Variants in TAB2 observed in about 807,000 individuals in gnomAD.
TAB2 encodes the protein TGF-beta-activated kinase 1 and MAP3K7-binding protein 2.
In TAB2, 3 loss-of-function variants were observed where a neutral mutation model predicts 65.0. The observed-to-expected ratio is 0.05, with a 90% CI of 0.02 to 0.12. TAB2 has a LOEUF of 0.12. Ranked by LOEUF, TAB2 falls within the 10% of genes least tolerant of loss-of-function variation. The pLI is 1.00. For synonymous variants in TAB2, 298 were observed against 285.1 expected, an observed-to-expected ratio of 1.05 and a Z score of -0.46; for missense variants, 623 against 840.3, an observed-to-expected ratio of 0.74 and a Z score of 3.20.
chr6:149,392,398 T>C (rs943606552), intron 3 of TAB2, among the ~76,000 whole-genome samples: 1 of 152,190 alleles, frequency 6.6e-6, no homozygotes, highest in Non-Finnish European at 1.5e-5. Flanking sequence ...TGCCTTCATA[T>C]CAGATTTTCT....
intron 1 of TAB2, chr6:149,244,331 C>T (rs919162120): frequency 1.3e-5 from 2 of 152,274 alleles, no homozygotes; most frequent in African/African-American, 4.8e-5. Context: ...CCTCAAGTGA[C>T]TTATAGTCCA....
intron 1 of TAB2, among the ~76,000 whole-genome samples, chr6:149,295,935 C>A (rs1778870598): frequency 6.6e-6 from 1 of 152,120 alleles, no homozygotes; most frequent in African/African-American, 2.4e-5. Context: ...CTACACCCGG[C>A]TAATTTTTGT....
At chr6:149,392,113 C>T (rs77648332) in intron 3 of TAB2, among the ~76,000 whole-genome samples, 3,509 of 115,698 alleles carry the variant, frequency 0.03, 130 homozygotes, top group African/African-American at 0.11. Flanking sequence ...CTTTCACATT[C>T]ATATCAGATT....
rs1778922348 is a variant in TAB2, at chr6:149,298,788, AC to A, written c.-120-79229del. ...AAATCTAAGACACACACACATGCAC[AC>A]GCACAAAGAAACGTTAATTTTTCTT... On this transcript the variant is annotated intron_variant, in intron 1 of 1. Transcript: ENST00000606202. Among the ~76,000 whole-genome samples, 3 of 152,228 alleles carry A rather than the reference AC, an allele frequency of 2.0e-5. No individual in the cohort carries two copies. In the South Asian group the frequency reaches 6.2e-4, roughly 32 times the overall value.
chr6:149,389,781 A>G (rs185591604), intron 3 of TAB2, among the ~76,000 whole-genome samples: 1 of 152,294 alleles, frequency 6.6e-6, no homozygotes, highest in Non-Finnish European at 1.5e-5. Context: ...GTCTAAAATA[A>G]AAGTTTTAGA....
intron 6 of TAB2, among the ~76,000 whole-genome samples, chr6:149,403,989 A>G (rs1453760530): frequency 1.3e-5 from 2 of 152,210 alleles, no homozygotes; most frequent in African/African-American, 4.8e-5. Flanking sequence ...AGCCAGAGCA[A>G]TTAGACAAGA....
At chr6:149,282,675 G>A (rs1299817202) in intron 1 of TAB2, among the ~76,000 whole-genome samples, 3 of 152,198 alleles carry the variant, frequency 2.0e-5, no homozygotes, top group Non-Finnish European at 4.4e-5. Context: ...GTGTGATTAA[G>A]AGCATTATTC....
At chr6:149,279,253 G>T (rs1778530281) in intron 1 of TAB2, among the ~76,000 whole-genome samples, 1 of 152,090 alleles carries the variant, frequency 6.6e-6, no homozygotes, top group South Asian at 2.1e-4. Context: ...CTTCAAACTT[G>T]CTCCATGTGG....
intron 6 of TAB2, among the ~76,000 whole-genome samples, chr6:149,405,292 AGAG>A (rs1462518819): frequency 6.6e-6 from 1 of 152,244 alleles, no homozygotes; most frequent in Non-Finnish European, 1.5e-5. Context: ...CAAAGAGAAA[AGAG>A]AACGCTTGTA....
intron 1 of TAB2, among the ~76,000 whole-genome samples, chr6:149,252,145 G>A (rs899362535): frequency 2.0e-5 from 3 of 152,140 alleles, no homozygotes; most frequent in Non-Finnish European, 4.4e-5. Context: ...AGTGGCTCAT[G>A]CCTGTAATCC....
rs761847387 is a variant in TAB2, at chr6:149,335,123, GA to G, written c.-90+17109del. ...TTTTTTTTAGTCACAGTCAGCAGTA[GA>G]GCTTGAAATTTGTGGAGACCAATTC... On this transcript the variant is annotated intron_variant, in intron 1 of 6. Transcript: ENST00000637181. 3.3e-4 allele frequency among the ~76,000 whole-genome samples: 50 copies of G among 151,758 alleles called. 1 individual carries two copies. In the Middle Eastern group the frequency reaches 0.014, roughly 41 times the overall value.
chr6:149,296,682 A>G (rs1002012231), intron 1 of TAB2, among the ~76,000 whole-genome samples: 2 of 152,204 alleles, frequency 1.3e-5, no homozygotes, highest in Non-Finnish European at 2.9e-5. Context: ...AGGAGAACCA[A>G]TATGTATTGA....
chr6:149,303,473 T>C (rs994123451), intron 1 of TAB2, among the ~76,000 whole-genome samples: 1 of 152,146 alleles, frequency 6.6e-6, no homozygotes, highest in African/African-American at 2.4e-5. Context: ...GAAAAATGTA[T>C]GTGTGTGTGT....
At chr6:149,354,825 A>G (rs893686250) in intron 1 of TAB2, among the ~76,000 whole-genome samples, 4 of 152,170 alleles carry the variant, frequency 2.6e-5, no homozygotes, top group Admixed American at 2.6e-4. Flanking sequence ...ACTTTTGTGA[A>G]TGACCATAGT....
At position 149,378,303 on chromosome 6, in the gene TAB2, C is replaced by G. The variant is rs755789570; in HGVS notation, c.388C>G (p.Pro130Ala). ...ELFQQEPQTA[P>A]AQVPQGFNVF... is the part of the protein sequence containing the mutation. ...ATTTCAGCAGGAGCCACAGACAGCA[C>G]CAGCTCAAGTTCCTCAAGGCTTTAA... The change falls in exon 3 of 7, where the codon CCA becomes GCA. Residue 130 changes from proline to alanine, a missense_variant. Pro to Ala is a conservative substitution (Grantham distance 27). Transcript: ENST00000637181. 9 of 1,614,072 alleles carry G rather than the reference C, an allele frequency of 5.6e-6. No individual in the cohort carries two copies. In the Admixed American group the frequency reaches 1.2e-4, roughly 21 times the overall value.
chr6:149,224,881 T>A (rs1283195201), intron 1 of TAB2, among the ~76,000 whole-genome samples: 2 of 152,224 alleles, frequency 1.3e-5, no homozygotes. Context: ...ACATACACAT[T>A]TTTTAGAAAG....
chr6:149,341,316 C>T (rs1780119021), intron 1 of TAB2, among the ~76,000 whole-genome samples: 2 of 152,106 alleles, frequency 1.3e-5, no homozygotes, highest in South Asian at 4.1e-4. Flanking sequence ...TAATCAGTTA[C>T]ATGTCTTAGA....
chr6:149,237,770 T>G (rs906537969), intron 1 of TAB2, among the ~76,000 whole-genome samples: 3 of 152,202 alleles, frequency 2.0e-5, no homozygotes, highest in African/African-American at 7.2e-5. Context: ...GCTGGCCATC[T>G]GCCGAGCATA....
intron 1 of TAB2, among the ~76,000 whole-genome samples, chr6:149,330,765 C>CA (rs946018670): frequency 2.0e-5 from 3 of 152,054 alleles, no homozygotes; most frequent in African/African-American, 4.8e-5. Context: ...TTTTGCAGAG[C>CA]AAAAAATTAG....
Sources: allele counts gnomAD v4.1 joint callset (sites outside exome capture counted in the v4.1 genomes callset), GRCh38; gene constraint gnomAD v4.1.1; transcripts MANE v1.5; gene names NCBI Gene and HGNC (gene_info 2026-07-23, HGNC 2026-07-21).